The following FURIN variants were observed in gnomAD, a reference collection of about 807,000 sequenced individuals.
FURIN encodes the protein furin, paired basic amino acid cleaving enzyme, also known as FES upstream region.
In FURIN, 18 loss-of-function variants were observed where a neutral mutation model predicts 89.2. The observed-to-expected ratio is 0.20, with a 90% CI of 0.14 to 0.30. The LOEUF (loss-of-function observed/expected upper bound fraction) is 0.30. Ranked by LOEUF, FURIN falls within the 10% of genes least tolerant of loss-of-function variation. The pLI is 1.00. For missense variants in FURIN, 879 were observed against 1,100.5 expected (o/e 0.80, Z 2.85); for synonymous variants, 508 against 466.4 (o/e 1.09, Z -1.15).
chr15:90,874,431 T>TC (rs2031495131), intron 1 of FURIN, among the ~76,000 whole-genome samples: 2 of 152,228 alleles, frequency 1.3e-5, no homozygotes, highest in Admixed American at 6.5e-5. Context: ...GCCCCAGCGT[T>TC]CCCCAGGAAA....
intron 1 of FURIN, among the ~76,000 whole-genome samples, chr15:90,874,179 T>C (rs1384573495): frequency 6.6e-6 from 1 of 152,214 alleles, no homozygotes; most frequent in Non-Finnish European, 1.5e-5. Flanking sequence ...GGCTTCTGGC[T>C]AGTCAGGGGC....
rs1474097958 is a variant in FURIN, at chr15:90,876,371, C to T, written c.276+18C>T. The T allele has an allele frequency of 6.4e-7, 1 of 1,572,272 alleles. No homozygotes were observed. The highest frequency in any genetic ancestry group is 1.7e-5 in the Admixed American group (1 of 59,976). On this transcript the variant is annotated intron_variant, in intron 3 of 15. Coordinates refer to ENST00000268171, the MANE Select transcript of FURIN (RefSeq NM_002569.4). This position sits in a 1 kb window ranked among gnomAD's most constrained non-coding sequence, Gnocchi z 5.0. ...AGCCTCAAGTGAGTGTGGCCCCAGC[C>T]CCCTCCTGCTGCCACCCTCCCCCTC...
intron 1 of FURIN, among the ~76,000 whole-genome samples, chr15:90,871,873 C>T (rs2031324226): frequency 6.6e-6 from 1 of 150,794 alleles, no homozygotes; most frequent in African/African-American, 2.4e-5. Flanking sequence ...ACAGGGCGCT[C>T]CGCAGCCCAC....
At chr15:90,872,064 G>C (rs1185513858) in intron 1 of FURIN, among the ~76,000 whole-genome samples, 1 of 151,462 alleles carries the variant, frequency 6.6e-6, no homozygotes, top group East Asian at 2.0e-4. Flanking sequence ...GCTGCCGCCG[G>C]CTCGCCCACT....
chr15:90,879,283 C>T (rs557938656), intron 9 of FURIN, among the ~76,000 whole-genome samples, 161 bp from the exon 10 acceptor site: 6 of 152,212 alleles, frequency 3.9e-5, no homozygotes, highest in Admixed American at 6.5e-5. Context: ...AGCATGTCCA[C>T]GGCAAGTTAG....
intron 8 of FURIN, 100 bp downstream of exon 8, chr15:90,878,404 C>A: frequency 1.0e-6 from 1 of 1,000,762 alleles, no homozygotes; most frequent in Non-Finnish European, 1.4e-6. Context: ...TCATGTTTAA[C>A]TTTACACAAA....
In FURIN at chr15:90,879,971, C is replaced by G; in HGVS notation, c.1363C>G (p.Leu455Val). 3.1e-6 allele frequency: 5 copies of G among 1,612,718 alleles called. No homozygotes were observed. The highest frequency in any genetic ancestry group is 3.4e-6 in the Non-Finnish European group (4 of 1,179,588). The change falls in exon 12 of 16, where the codon CTC (leucine) becomes GTC (valine). Residue 455 changes from leucine (L) to valine (V), a missense_variant. By Grantham distance (32) the Leu-to-Val change is conservative. This residue lies in a region of FURIN where 457 missense variants were observed against 490.7 expected (regional missense o/e 0.93). Transcript: ENST00000268171. ...APQRKCIIDI[L>V]TEPKDIGKRL... ...CCAGCGGAAGTGCATCATCGACATCCTCACCGAGCCCAAGTGAGGGCTGGA... is the reference window on the plus strand; with the variant it reads ...CCAGCGGAAGTGCATCATCGACATCGTCACCGAGCCCAAGTGAGGGCTGGA...
chr15:90,875,787 C>T lies in FURIN; in HGVS notation c.47C>T (p.Thr16Ile). ...WLLWVVAATG[T>I]LVLLAADAQG... ...CTATGGGTGGTAGCAGCAACAGGAACCTTGGTCCTGCTAGCAGCTGATGCT... is the reference window on the plus strand; with the variant it reads ...CTATGGGTGGTAGCAGCAACAGGAATCTTGGTCCTGCTAGCAGCTGATGCT... The change falls in exon 2 of 16, where the codon ACC (threonine) becomes ATC (isoleucine). Residue 16 changes from threonine to isoleucine, a missense_variant. Physicochemically the swap from Thr to Ile is moderately conservative, Grantham distance 89. Transcript: ENST00000268171. 6.4e-7 allele frequency: 1 copy of T among 1,557,904 alleles called. No homozygotes were observed. Among genetic ancestry groups the T allele is most frequent in the Admixed American group, 1.9e-5 (1 of 51,306 alleles).
Position 90,881,117 on chromosome 15 carries a change from T to C in FURIN, c.1792+77T>C. On this transcript the variant is annotated intron_variant, in intron 15 of 15. Coordinates refer to ENST00000268171, the MANE Select transcript of FURIN (RefSeq NM_002569.4). The surrounding 1 kb of genome is among the most constrained non-coding windows in gnomAD (Gnocchi z 4.3). Reference sequence around the variant, plus strand: ...GGGTGCCTGTCCTGAAGCCCAGCTCTAACAGAAAAAAGTCTCAAGAGACCT... The same window carrying C: ...GGGTGCCTGTCCTGAAGCCCAGCTCCAACAGAAAAAAGTCTCAAGAGACCT... The C allele has an allele frequency of 8.1e-7, 1 of 1,241,592 alleles. No homozygotes were observed. The highest frequency in any genetic ancestry group is 1.2e-6 in the Non-Finnish European group (1 of 848,434). The allele number at this position is 1,241,592 out of a possible 1,614,324, so 76.9% of individuals were successfully genotyped here. A position where few individuals can be genotyped will look rare whatever the true frequency, so the allele number is the denominator to read the frequency against.
intron 1 of FURIN, among the ~76,000 whole-genome samples, chr15:90,871,122 A>G (rs2031264125): frequency 6.6e-6 from 1 of 152,156 alleles, no homozygotes; most frequent in South Asian, 2.1e-4. Flanking sequence ...GGAGGACCCC[A>G]GGTCCGCCGT....
intron 1 of FURIN, among the ~76,000 whole-genome samples, chr15:90,873,378 C>T (rs112808276): frequency 6.6e-6 from 1 of 152,156 alleles, no homozygotes; most frequent in Non-Finnish European, 1.5e-5. Context: ...TCACTTTTAA[C>T]GCCAAACAGC....
chr15:90,869,874 TG>T, intron 1 of FURIN, among the ~76,000 whole-genome samples: 1 of 152,238 alleles, frequency 6.6e-6, no homozygotes, highest in East Asian at 1.9e-4. Context: ...TTCCCCTCAA[TG>T]GAGTTCTCTT....
chr15:90,876,444 T>TC lies in FURIN; in HGVS notation c.277-15dup. 6.3e-7 allele frequency: 1 copy of TC among 1,594,724 alleles called. No homozygotes were observed. The highest frequency in any genetic ancestry group is 1.4e-5 in the African/African-American group (1 of 74,000). ...CCTCCTGCTCCACCCACACCATCTC[T>TC]CCCTCACTCCCCCACAGGTACAGTG... On this transcript the variant is annotated splice_polypyrimidine_tract_variant and intron_variant, in intron 3 of 15. Coordinates refer to ENST00000268171, the MANE Select transcript of FURIN (RefSeq NM_002569.4). This position sits in a 1 kb window ranked among gnomAD's most constrained non-coding sequence, Gnocchi z 5.0.
chr15:90,879,799 C>A, intron 11 of FURIN, 25 bp downstream of exon 11: 1 of 1,609,364 alleles, frequency 6.2e-7, no homozygotes, highest in Non-Finnish European at 8.5e-7. Context: ...GCCCGGCAGG[C>A]TGGATGTGGA....
In FURIN at chr15:90,875,727, C is replaced by T; in HGVS notation, c.-14C>T. The T allele has an allele frequency of 3.9e-6, 6 of 1,526,814 alleles. No individual in the cohort carries two copies. The highest frequency in any genetic ancestry group is 5.3e-6 in the Non-Finnish European group (6 of 1,132,946). 94.6% of individuals were successfully genotyped at this position (1,526,814 alleles called of 1,614,324 possible). The stretch of plus-strand genomic sequence containing the variant: ...GAGACGGGCGCTCCAGGGTCCCAGC[C>T]ACCTGTCCCCCCCATGGAGCTGAGG... On this transcript the variant is annotated 5_prime_UTR_variant, in exon 2 of 16. Coordinates refer to ENST00000268171, the MANE Select transcript of FURIN (RefSeq NM_002569.4).
At position 90,881,603 on chromosome 15, in the gene FURIN, C is replaced by T. The variant is rs148060996; in HGVS notation, c.2110C>T (p.Leu704=). The T allele has an allele frequency of 8.8e-5, 141 of 1,604,918 alleles. 2 individuals carry two copies. In the African/African-American group the frequency reaches 1.3e-3, roughly 15 times the overall value. The change falls in exon 16 of 16, where the codon CTG becomes TTG. Residue 704 remains leucine, a synonymous_variant. Coordinates refer to ENST00000268171, the MANE Select transcript of FURIN (RefSeq NM_002569.4). This position sits in a 1 kb window ranked among gnomAD's most constrained non-coding sequence, Gnocchi z 4.3. ...LPPEVEAGQR[L]RAGLLPSHLP... Reference sequence around the variant, plus strand: ...CCCGGAGGTGGAGGCGGGGCAACGGCTGCGGGCAGGGCTGCTGCCCTCACA... The same window carrying T: ...CCCGGAGGTGGAGGCGGGGCAACGGTTGCGGGCAGGGCTGCTGCCCTCACA...
intron 1 of FURIN, among the ~76,000 whole-genome samples, chr15:90,873,391 C>T (rs942554979): frequency 4.6e-5 from 7 of 152,146 alleles, no homozygotes; most frequent in Non-Finnish European, 1.0e-4. Context: ...CAAACAGCTG[C>T]GGCTCCATCT....
intron 1 of FURIN, 89 bp from the exon 2 acceptor site, chr15:90,875,493 A>G (rs60994696): frequency 0.05 from 20,733 of 410,908 alleles, 943 homozygotes; most frequent in African/African-American, 0.16. Flanking sequence ...TCAGGCCCCA[A>G]TTGAAACTTG....
chr15:90,872,173 C>T (rs1205939277), intron 1 of FURIN, among the ~76,000 whole-genome samples: 1 of 151,552 alleles, frequency 6.6e-6, no homozygotes, highest in Non-Finnish European at 1.5e-5. Context: ...CGCCCGCACA[C>T]CTGTGCGGCC....
Sources: gnomAD v4.1 joint callset for allele counts (sites outside exome capture counted in the v4.1 genomes callset) on GRCh38, gnomAD v4.1.1 for gene constraint, gnomAD v4.1.1 regional missense constraint, Gnocchi (gnomAD v3.1) non-coding constraint, MANE v1.5 for transcripts, NCBI Gene and HGNC (gene_info 2026-07-23, HGNC 2026-07-21) for gene names.